TRAT1: variants seen among roughly 807,000 people sequenced by gnomAD.
The protein encoded by TRAT1 is T-cell receptor-associated transmembrane adapter 1.
A neutral mutation model predicts 20.0 loss-of-function variants in TRAT1; 20 were observed. The observed-to-expected ratio is 1.00, with a 90% CI of 0.70 to 1.45. The LOEUF is 1.45. Among genes scored for constraint, TRAT1 ranks in the 40% most tolerant of loss-of-function variants. The pLI is 0.00. For synonymous variants in TRAT1, 77 were observed against 74.2 expected (o/e 1.04, Z -0.20); for missense variants, 237 against 224.1 (o/e 1.06, Z -0.37).
chr3:108,828,807 G>C (rs144675191), intron 1 of TRAT1, among the ~76,000 whole-genome samples: 1 of 152,266 alleles, frequency 6.6e-6, no homozygotes, highest in East Asian at 1.9e-4. Flanking sequence ...TGCCATTTTA[G>C]GGCAGATTGT....
intron 1 of TRAT1, 120 bp downstream of exon 1, chr3:108,823,054 C>A (rs1010278508): frequency 3.5e-6 from 3 of 853,194 alleles, no homozygotes; most frequent in East Asian, 5.0e-5. Flanking sequence ...TGTTGGATAA[C>A]TTTTAGTGTA....
intron 3 of TRAT1, among the ~76,000 whole-genome samples, chr3:108,844,800 C>G (rs1328967780): frequency 7.4e-6 from 1 of 134,962 alleles, no homozygotes; most frequent in Non-Finnish European, 1.5e-5. Context: ...GCCGAGATTG[C>G]GCCACTGCAC....
chr3:108,851,025 C>G (rs1945993477), intron 5 of TRAT1, among the ~76,000 whole-genome samples: 2 of 152,110 alleles, frequency 1.3e-5, no homozygotes, highest in African/African-American at 4.8e-5. Context: ...TTCTATTATA[C>G]TATTCTCATA....
At chr3:108,845,454 C>A (rs1945934155) in intron 3 of TRAT1, among the ~76,000 whole-genome samples, 4 of 152,164 alleles carry the variant, frequency 2.6e-5, no homozygotes, top group Admixed American at 2.6e-4. Context: ...GGAGAAAAAT[C>A]ATGAGCAGGG....
chr3:108,850,306 C>CTTT (rs35451422), intron 5 of TRAT1, among the ~76,000 whole-genome samples: 8,521 of 144,722 alleles, frequency 0.059, 336 homozygotes, highest in Middle Eastern at 0.14. Flanking sequence ...AACTTTTAAA[C>CTTT]TTTTTTTTTT....
intron 2 of TRAT1, among the ~76,000 whole-genome samples, chr3:108,831,510 T>C (rs1945792518): frequency 6.6e-6 from 1 of 151,768 alleles, no homozygotes; most frequent in Non-Finnish European, 1.5e-5. Context: ...GATGGGAGAA[T>C]GAAAGTTCAA....
At chr3:108,830,376 GT>G (rs564768081) in intron 1 of TRAT1, among the ~76,000 whole-genome samples, 1 of 152,136 alleles carries the variant, frequency 6.6e-6, no homozygotes, top group Non-Finnish European at 1.5e-5. Context: ...TTGAACAAAA[GT>G]TTTTTATCAG....
At chr3:108,839,806 A>G (rs1258223785) in intron 3 of TRAT1, among the ~76,000 whole-genome samples, 2 of 152,284 alleles carry the variant, frequency 1.3e-5, no homozygotes, top group East Asian at 1.9e-4. Context: ...TTTAATAGTT[A>G]TTGAGCTATT....
rs546915912 is a variant in TRAT1 at position 108,841,495 on chromosome 3, A to T, written c.152+2528A>T. Reference sequence around the variant, plus strand: ...AACAGGGCAAGTGAAAATAAGGTCTATGTTTCTCGGGTGGGGCTTGCGTTA... The same window carrying T: ...AACAGGGCAAGTGAAAATAAGGTCTTTGTTTCTCGGGTGGGGCTTGCGTTA... On this transcript the variant is annotated intron_variant, in intron 3 of 5. Coordinates refer to ENST00000295756, the MANE Select transcript of TRAT1 (RefSeq NM_016388.4). 2.0e-5 allele frequency among the ~76,000 whole-genome samples: 3 copies of T among 152,042 alleles called. No homozygotes were observed. In the South Asian group the frequency reaches 6.2e-4, roughly 32 times the overall value.
rs552709577 is a variant in TRAT1, at chr3:108,847,545, C to T, written c.214+416C>T. Reference sequence around the variant, plus strand: ...ACAATGAACAGTTTCTTTGGTTTCTCATATTCTAAATAGAGAATGTAGGGC... The same window carrying T: ...ACAATGAACAGTTTCTTTGGTTTCTTATATTCTAAATAGAGAATGTAGGGC... On this transcript the variant is annotated intron_variant, in intron 4 of 5. Coordinates refer to ENST00000295756, the MANE Select transcript of TRAT1 (RefSeq NM_016388.4). 3.9e-5 allele frequency among the ~76,000 whole-genome samples: 6 copies of T among 152,314 alleles called. No homozygotes were observed. In the East Asian group the frequency reaches 9.6e-4, roughly 24 times the overall value.
intron 1 of TRAT1, among the ~76,000 whole-genome samples, chr3:108,828,812 G>C (rs1037198290): frequency 6.6e-6 from 1 of 152,222 alleles, no homozygotes; most frequent in Non-Finnish European, 1.5e-5. Flanking sequence ...TTTTAGGGCA[G>C]ATTGTATGCT....
intron 3 of TRAT1, among the ~76,000 whole-genome samples, chr3:108,841,890 A>G (rs765765089): frequency 2.6e-5 from 4 of 152,212 alleles, no homozygotes; most frequent in Non-Finnish European, 5.9e-5. Flanking sequence ...GATCCAGGCA[A>G]TTCTGAATTT....
rs373965012 is a variant in TRAT1, at chr3:108,839,011, G to A, written c.152+44G>A. 6.9e-6 allele frequency: 10 copies of A among 1,448,902 alleles called. No individual in the cohort carries two copies. The African/African-American group carries it at 1.4e-4, about 20-fold the overall frequency. The allele number at this position is 1,448,902 out of a possible 1,614,324, so 89.8% of individuals were successfully genotyped here. On this transcript the variant is annotated intron_variant, in intron 3 of 5. Transcript: ENST00000295756. Reference sequence around the variant, plus strand: ...ATGGATCATGATTCCCAACTAATAAGCAAAAGTAACAATGCTATATTGTTT... The same window carrying A: ...ATGGATCATGATTCCCAACTAATAAACAAAAGTAACAATGCTATATTGTTT...
At chr3:108,828,092 T>C (rs996983545) in intron 1 of TRAT1, among the ~76,000 whole-genome samples, 1 of 152,170 alleles carries the variant, frequency 6.6e-6, no homozygotes, top group Non-Finnish European at 1.5e-5. Context: ...CTAGATTCAG[T>C]GTAATTTAAA....
At chr3:108,827,384 ATGTGTG>A (rs71103493) in intron 1 of TRAT1, among the ~76,000 whole-genome samples, 27,150 of 144,948 alleles carry the variant, frequency 0.19, 2,474 homozygotes, top group Middle Eastern at 0.34. Flanking sequence ...GTATGTGTGT[ATGTGTG>A]TGTGTGTGTG....
intron 1 of TRAT1, among the ~76,000 whole-genome samples, chr3:108,830,310 G>T (rs1462661342): frequency 6.6e-6 from 1 of 152,224 alleles, no homozygotes; most frequent in Admixed American, 6.5e-5. Flanking sequence ...GAGGATTAAA[G>T]AAAGGTGAAA....
chr3:108,852,210 GTC>G, intron 5 of TRAT1, among the ~76,000 whole-genome samples: 1 of 152,224 alleles, frequency 6.6e-6, no homozygotes. Context: ...GCGAAACTCC[GTC>G]TCTACTAAAA....
intron 3 of TRAT1, among the ~76,000 whole-genome samples, chr3:108,842,419 G>A (rs1945903452): frequency 6.6e-6 from 1 of 152,148 alleles, no homozygotes; most frequent in Non-Finnish European, 1.5e-5. Context: ...CTTATGACAA[G>A]AGAACTCTTG....
At chr3:108,838,399 TAGATAGAG>T (rs1945860207) in intron 2 of TRAT1, among the ~76,000 whole-genome samples, 3 of 150,372 alleles carry the variant, frequency 2.0e-5, no homozygotes, top group Non-Finnish European at 4.5e-5. Flanking sequence ...GATAGATAGA[TAGATAGAG>T]ATTGATAAAA....
Sources: gnomAD v4.1 joint callset for allele counts (sites outside exome capture counted in the v4.1 genomes callset) on GRCh38, gnomAD v4.1.1 for gene constraint, MANE v1.5 for transcripts, NCBI Gene and HGNC (gene_info 2026-07-23, HGNC 2026-07-21) for gene names.